Variants in PIEZO2 observed in about 807,000 individuals in gnomAD.
PIEZO2 encodes piezo type mechanosensitive ion channel component 2, also known as piezo-type mechanosensitive ion channel component 2.
A neutral mutation model predicts 337.3 loss-of-function variants in PIEZO2; 172 were observed. The observed-to-expected ratio is 0.51, with a 90% CI of 0.45 to 0.58. PIEZO2 has a LOEUF of 0.58. Ranked by LOEUF, PIEZO2 falls within the 20% of genes least tolerant of loss-of-function variation. PIEZO2 has a pLI of 0.00. For missense variants in PIEZO2, 3,028 were observed against 3,391.3 expected (o/e 0.89, Z 2.66); for synonymous variants, 1,251 against 1,228.5 (o/e 1.02, Z -0.38).
Position 10,878,709 on chromosome 18 carries a change from G to A in PIEZO2, c.330-7294C>T, listed in dbSNP as rs2042331332. ...TGTCTCTAAGCACAGAGTATTGGTT[G>A]TGAAGTTATATATGAAGGAAGTAAA... On this transcript the variant is annotated intron_variant, in intron 4 of 55. Coordinates refer to ENST00000674853, the MANE Select transcript of PIEZO2 (RefSeq NM_001378183.1). The surrounding 1 kb of genome is among the most constrained non-coding windows in gnomAD (Gnocchi z 4.3). Among the ~76,000 whole-genome samples, 1 of 151,908 alleles carries A rather than the reference G, an allele frequency of 6.6e-6. No homozygotes were observed. The highest frequency in any genetic ancestry group is 2.4e-5 in the African/African-American group (1 of 41,312).
chr18:10,934,445 A>C (rs1344948267), intron 3 of PIEZO2, among the ~76,000 whole-genome samples: 1 of 152,182 alleles, frequency 6.6e-6, no homozygotes, highest in Non-Finnish European at 1.5e-5. Flanking sequence ...TCAGTGGAAA[A>C]GTATGAAAGG....
intron 7 of PIEZO2, among the ~76,000 whole-genome samples, chr18:10,848,488 T>C (rs937798516): frequency 6.6e-6 from 1 of 152,174 alleles, no homozygotes; most frequent in Admixed American, 6.5e-5. Context: ...TTGAAGTAGA[T>C]GATAAAAAAG....
intron 22 of PIEZO2, 63 bp from the exon 23 acceptor site, chr18:10,762,688 T>C: frequency 2.7e-6 from 4 of 1,508,702 alleles, no homozygotes; most frequent in Non-Finnish European, 3.5e-6. Context: ...GCTCAGGTTA[T>C]TTCTTCTTCA....
chr18:10,949,506 C>T (rs2033187968), intron 3 of PIEZO2, among the ~76,000 whole-genome samples: 1 of 152,036 alleles, frequency 6.6e-6, no homozygotes, highest in Non-Finnish European at 1.5e-5. Flanking sequence ...ACTCTGTCTA[C>T]AAGCACAAAG....
chr18:10,714,277 C>A (rs56368000), intron 39 of PIEZO2, among the ~76,000 whole-genome samples: 1,548 of 152,256 alleles, frequency 0.01, 37 homozygotes, highest in African/African-American at 0.035. Context: ...TGAAACAATG[C>A]ATACAATAGT....
At chr18:10,732,837 G>A (rs1598412066) in intron 35 of PIEZO2, among the ~76,000 whole-genome samples, 1 of 152,138 alleles carries the variant, frequency 6.6e-6, no homozygotes, top group Non-Finnish European at 1.5e-5. Flanking sequence ...TAAGCAACTT[G>A]CCTCTGCACA....
At chr18:10,829,293 G>T (rs572038963) in intron 7 of PIEZO2, among the ~76,000 whole-genome samples, 51 of 151,768 alleles carry the variant, frequency 3.4e-4, no homozygotes, top group Middle Eastern at 3.2e-3. Flanking sequence ...GATATAGAAG[G>T]AACATACCTC....
At chr18:11,079,452 A>T (rs1476377497) in intron 1 of PIEZO2, among the ~76,000 whole-genome samples, 1 of 152,168 alleles carries the variant, frequency 6.6e-6, no homozygotes, top group Non-Finnish European at 1.5e-5. Context: ...TCACTTGAAA[A>T]AGTCAAGCAA....
At chr18:10,998,463 T>C (rs974965063) in intron 2 of PIEZO2, among the ~76,000 whole-genome samples, 25 of 152,134 alleles carry the variant, frequency 1.6e-4, no homozygotes, top group African/African-American at 5.5e-4. Flanking sequence ...ATACTTGGTG[T>C]GTACAGAAAT....
chr18:10,864,534 G>T (rs1187809654), intron 5 of PIEZO2, among the ~76,000 whole-genome samples: 1 of 152,118 alleles, frequency 6.6e-6, no homozygotes, highest in Non-Finnish European at 1.5e-5. Context: ...AGCAAAGCAA[G>T]AAAACAAAAA....
chr18:10,893,034 T>G (rs2042799792), intron 4 of PIEZO2, among the ~76,000 whole-genome samples: 1 of 152,140 alleles, frequency 6.6e-6, no homozygotes, highest in African/African-American at 2.4e-5. Context: ...AATAGAAAAT[T>G]TATGGCCAGG....
At chr18:10,679,625 G>A (rs1446170976) in intron 52 of PIEZO2, among the ~76,000 whole-genome samples, 3 of 152,182 alleles carry the variant, frequency 2.0e-5, no homozygotes, top group Non-Finnish European at 2.9e-5. Flanking sequence ...AGTTCTTGCT[G>A]CATCAGAGCT....
At position 10,790,993 on chromosome 18, in the gene PIEZO2, G is replaced by C. The variant is rs12454096; in HGVS notation, c.1882+208C>G. Among the ~76,000 whole-genome samples, 123,875 of 152,236 alleles carry C rather than the reference G, an allele frequency of 0.81. 50,422 individuals are homozygous for C. Among genetic ancestry groups the C allele is most frequent in the East Asian group, 0.94 (4,834 of 5,170 alleles). On this transcript the variant is annotated intron_variant, in intron 14 of 55. Transcript: ENST00000674853. ...TGCTGGGATTACAGGCGCGAGCCAC[G>C]GCGCCCGGCCCAACTGGCACATTTT...
In PIEZO2 at chr18:10,671,613, G is replaced by C. The variant is rs779242744; in HGVS notation, c.8512C>G (p.Leu2838Val). The C allele has an allele frequency of 1.2e-6, 2 of 1,613,828 alleles. No homozygotes were observed. The highest frequency in any genetic ancestry group is 1.7e-5 in the Admixed American group (1 of 60,016). The change falls in exon 56 of 56, where the codon CTA becomes GTA. Residue 2838 changes from leucine to valine, a missense_variant. Physicochemically the swap from Leu to Val is conservative, Grantham distance 32 (BLOSUM62 1). Around this residue, in one of 5 missense-constraint regions of PIEZO2, gnomAD observed 332 missense variants for 363.8 expected, o/e 0.91. Coordinates refer to ENST00000674853, the MANE Select transcript of PIEZO2 (RefSeq NM_001378183.1). Reference sequence around the variant, plus strand: ...AATTTGGCATAGAGATCTTCTTCTAGCTCCAGTTCTCCTGTCTCTCGAACT... The same window carrying C: ...AATTTGGCATAGAGATCTTCTTCTACCTCCAGTTCTCCTGTCTCTCGAACT... Reference protein sequence around the residue: ...FLVRETGELELEEDLYAKLIF... With the variant: ...FLVRETGELEVEEDLYAKLIF...
rs1234919652 is a variant in PIEZO2 at position 10,682,721 on chromosome 18, T to A, written c.7498-429A>T. On this transcript the variant is annotated intron_variant, in intron 49 of 55. Transcript: ENST00000674853. This position sits in a 1 kb window ranked among gnomAD's most constrained non-coding sequence, Gnocchi z 5.6. ...CTGTGCCTTTCAGTTGACCCTTCCC[T>A]GCCCTTGGAGGGTGAAAAAACATGA... Among the ~76,000 whole-genome samples the A allele has an allele frequency of 1.3e-5, 2 of 152,102 alleles. No homozygotes were observed. The highest frequency in any genetic ancestry group is 2.9e-5 in the Non-Finnish European group (2 of 68,014).
chr18:10,907,271 C>T (rs895253867), intron 4 of PIEZO2, among the ~76,000 whole-genome samples: 3 of 151,836 alleles, frequency 2.0e-5, no homozygotes, highest in African/African-American at 4.8e-5. Context: ...GGTGAAACCC[C>T]GTCTCTAATA....
At chr18:11,041,969 T>A (rs77453090) in intron 2 of PIEZO2, among the ~76,000 whole-genome samples, 6,118 of 152,266 alleles carry the variant, frequency 0.04, 176 homozygotes, top group African/African-American at 0.08. Context: ...TAGATGACCA[T>A]CTTCTCTGAG....
rs571236988 is a variant in PIEZO2 at position 10,854,921 on chromosome 18, G to A, written c.917+432C>T. Among the ~76,000 whole-genome samples, 33 of 152,266 alleles carry A rather than the reference G, an allele frequency of 2.2e-4. No individual in the cohort carries two copies. The South Asian group carries it at 4.1e-3, about 19-fold the overall frequency. ...GGGGTTTCACCATGTTGCCCAGGCT[G>A]GGACTTTTATTTTTAAGCTTTTACA... On this transcript the variant is annotated intron_variant, in intron 7 of 55. Coordinates refer to ENST00000674853, the MANE Select transcript of PIEZO2 (RefSeq NM_001378183.1). The surrounding 1 kb of genome is among the most constrained non-coding windows in gnomAD (Gnocchi z 4.6).
At chr18:11,015,621 A>C (rs566664094) in intron 2 of PIEZO2, among the ~76,000 whole-genome samples, 1 of 152,164 alleles carries the variant, frequency 6.6e-6, no homozygotes, top group Non-Finnish European at 1.5e-5. Flanking sequence ...GGTAAGGTCA[A>C]ATCTAAAGGG....
Sources: allele counts gnomAD v4.1 joint callset (sites outside exome capture counted in the v4.1 genomes callset), GRCh38; gene constraint gnomAD v4.1.1; regional missense constraint gnomAD v4.1.1; non-coding constraint Gnocchi (gnomAD v3.1); transcripts MANE v1.5; gene names NCBI Gene and HGNC (gene_info 2026-07-23, HGNC 2026-07-21).